CWF19L2: variants seen among roughly 807,000 people sequenced by gnomAD.
CWF19L2 encodes CWF19 like cell cycle control factor 2.
Under a neutral mutation model 111.7 loss-of-function variants are expected in CWF19L2, and 98 were observed. The ratio of observed to expected loss-of-function variants is 0.88; its 90% CI spans 0.75 to 1.04. CWF19L2 has a LOEUF of 1.04. CWF19L2 is among the 50% of genes least tolerant of loss of function. The pLI is 0.00. For missense variants in CWF19L2, 1,101 were observed against 1,051.4 expected (o/e 1.05, Z -0.65); for synonymous variants, 351 against 342.9 (o/e 1.02, Z -0.26).
chr11:107,393,882 G>A (rs1860884471), intron 10 of CWF19L2, among the ~76,000 whole-genome samples: 1 of 152,092 alleles, frequency 6.6e-6, no homozygotes, highest in Non-Finnish European at 1.5e-5. Flanking sequence ...CCAAAAGCAG[G>A]GAGGATGGAA....
Position 107,326,999 on chromosome 11 carries a change from G to T in CWF19L2, c.2596C>A (p.Arg866=). 6.2e-7 allele frequency: 1 copy of T among 1,611,762 alleles called. No homozygotes were observed. The highest frequency in any genetic ancestry group is 8.5e-7 in the Non-Finnish European group (1 of 1,178,810). Reference sequence around the variant, plus strand: ...TTCCTCTGATCCTCAAAGCTTTCTCGGATGCCTTTCCTCCAAAGTCTTGGT... The same window carrying T: ...TTCCTCTGATCCTCAAAGCTTTCTCTGATGCCTTTCCTCCAAAGTCTTGGT... ...IEPRLWRKGI[R]ESFEDQRKKA... The change falls in exon 18 of 18, where the codon CGA becomes AGA. Residue 866 remains arginine (R), a synonymous_variant. Coordinates refer to ENST00000282251, the MANE Select transcript of CWF19L2 (RefSeq NM_152434.3).
intron 12 of CWF19L2, among the ~76,000 whole-genome samples, chr11:107,379,594 C>T (rs1444445246): frequency 6.6e-6 from 1 of 152,192 alleles, no homozygotes; most frequent in Non-Finnish European, 1.5e-5. Context: ...AATCAGTTTC[C>T]AAATTCAAGC....
Position 107,353,466 on chromosome 11 carries a change from T to C in CWF19L2, c.2085+58A>G, listed in dbSNP as rs1860186462. 7 of 1,311,520 alleles carry C rather than the reference T, an allele frequency of 5.3e-6. No homozygotes were observed. In the South Asian group the frequency reaches 6.3e-5, roughly 12 times the overall value. 81.2% of individuals were successfully genotyped at this position (1,311,520 alleles called of 1,614,324 possible). A position where few individuals can be genotyped will look rare whatever the true frequency, so the allele number is the denominator to read the frequency against. On this transcript the variant is annotated intron_variant, in intron 13 of 17. Transcript: ENST00000282251. ...TAATAAACTTATTCAAGTTATTCTA[T>C]GAAGAAACAAAAAAAGTTCTATGAG...
At chr11:107,358,206 T>C (rs1205412010) in intron 12 of CWF19L2, among the ~76,000 whole-genome samples, 8 of 152,260 alleles carry the variant, frequency 5.3e-5, no homozygotes, top group South Asian at 2.1e-4. Context: ...CATTTCAATA[T>C]AGATTAATTA....
At chr11:107,451,125 A>G (rs1861772433) in intron 3 of CWF19L2, among the ~76,000 whole-genome samples, 1 of 152,162 alleles carries the variant, frequency 6.6e-6, no homozygotes. Context: ...ACTTTTTAAA[A>G]ACTGAAATTA....
intron 12 of CWF19L2, among the ~76,000 whole-genome samples, chr11:107,370,689 T>C (rs930951514): frequency 1.5e-5 from 2 of 137,712 alleles, no homozygotes; most frequent in African/African-American, 2.9e-5. Context: ...AGATCTGACC[T>C]GTCAGCAACC....
intron 3 of CWF19L2, among the ~76,000 whole-genome samples, chr11:107,447,549 A>G (rs957948118): frequency 2.6e-5 from 4 of 152,232 alleles, no homozygotes; most frequent in Non-Finnish European, 5.9e-5. Context: ...CAGAGAACCC[A>G]CAAAGGTCAT....
intron 12 of CWF19L2, among the ~76,000 whole-genome samples, chr11:107,356,620 T>TA (rs1189634438): frequency 6.6e-6 from 1 of 152,230 alleles, no homozygotes. Flanking sequence ...CATTACATTC[T>TA]AAAAAATATC....
intron 8 of CWF19L2, among the ~76,000 whole-genome samples, chr11:107,422,934 T>C (rs1359605567): frequency 6.6e-6 from 1 of 152,016 alleles, no homozygotes; most frequent in Non-Finnish European, 1.5e-5. Context: ...CTCTGGTGTT[T>C]AAGAAATCTA....
At chr11:107,332,892 C>T (rs1339536097) in intron 16 of CWF19L2, among the ~76,000 whole-genome samples, 3 of 151,970 alleles carry the variant, frequency 2.0e-5, no homozygotes, top group African/African-American at 4.8e-5. Context: ...GAGGCGGAGG[C>T]GGGCAGATCA....
At chr11:107,398,588 C>A (rs772567742) in intron 10 of CWF19L2, among the ~76,000 whole-genome samples, 1 of 152,186 alleles carries the variant, frequency 6.6e-6, no homozygotes, top group African/African-American at 2.4e-5. Flanking sequence ...GAAGAGAATT[C>A]TAAAAGCCCG....
At chr11:107,391,198 T>C (rs34515580) in intron 11 of CWF19L2, among the ~76,000 whole-genome samples, 23,168 of 152,140 alleles carry the variant, frequency 0.15, 1,864 homozygotes, top group Non-Finnish European at 0.17. Flanking sequence ...TGTCATTGTG[T>C]GAGCCAACAC....
intron 12 of CWF19L2, among the ~76,000 whole-genome samples, chr11:107,388,663 A>G (rs1177897111): frequency 6.6e-6 from 1 of 152,144 alleles, no homozygotes; most frequent in Non-Finnish European, 1.5e-5. Flanking sequence ...TACAGGGTTG[A>G]GCCACCACGC....
In CWF19L2 at chr11:107,454,584, T is replaced by G; in HGVS notation, c.217-12A>C. The G allele has an allele frequency of 1.5e-6, 2 of 1,348,190 alleles. No homozygotes were observed. The highest frequency in any genetic ancestry group is 1.9e-6 in the Non-Finnish European group (2 of 1,047,948). The allele number at this position is 1,348,190 out of a possible 1,614,324, so 83.5% of individuals were successfully genotyped here. A position where few individuals can be genotyped will look rare whatever the true frequency, so the allele number is the denominator to read the frequency against. ...TTCACAGAGTGTTCCTACAATCATTTTGAACAGGCAAGAAAATAATTTAAT... is the reference window on the plus strand; with the variant it reads ...TTCACAGAGTGTTCCTACAATCATTGTGAACAGGCAAGAAAATAATTTAAT... On this transcript the variant is annotated splice_polypyrimidine_tract_variant and intron_variant, in intron 2 of 17. Coordinates refer to ENST00000282251, the MANE Select transcript of CWF19L2 (RefSeq NM_152434.3).
At chr11:107,378,008 A>G (rs1303545489) in intron 12 of CWF19L2, among the ~76,000 whole-genome samples, 7 of 152,046 alleles carry the variant, frequency 4.6e-5, no homozygotes, top group Non-Finnish European at 2.9e-5. Flanking sequence ...CAAAAAACAC[A>G]TGAAAAAATG....
intron 3 of CWF19L2, among the ~76,000 whole-genome samples, chr11:107,443,664 A>G (rs1445761416): frequency 3.3e-5 from 5 of 152,176 alleles, no homozygotes; most frequent in Non-Finnish European, 7.3e-5. Context: ...GTGACTACCA[A>G]CGTCAAGTAG....
chr11:107,437,124 C>T (rs11212235), intron 6 of CWF19L2, among the ~76,000 whole-genome samples: 3,364 of 152,028 alleles, frequency 0.022, 122 homozygotes, highest in African/African-American at 0.076. Context: ...AAAACCTTCC[C>T]AAAAGATTTA....
At chr11:107,406,864 G>C (rs1861086091) in intron 10 of CWF19L2, among the ~76,000 whole-genome samples, 1 of 150,504 alleles carries the variant, frequency 6.6e-6, no homozygotes, top group Non-Finnish European at 1.5e-5. Flanking sequence ...TATCTCTTCT[G>C]TGTTACTATT....
At chr11:107,447,403 G>A (rs2135426337) in intron 3 of CWF19L2, among the ~76,000 whole-genome samples, 1 of 152,224 alleles carries the variant, frequency 6.6e-6, no homozygotes, top group South Asian at 2.1e-4. Context: ...GTCAGGCAAA[G>A]AAAAATTACC....
Sources: allele counts gnomAD v4.1 joint callset (sites outside exome capture counted in the v4.1 genomes callset), GRCh38; gene constraint gnomAD v4.1.1; transcripts MANE v1.5; gene names NCBI Gene and HGNC (gene_info 2026-07-23, HGNC 2026-07-21).